MYO5A: variants seen among roughly 807,000 people sequenced by gnomAD.
MYO5A encodes the protein unconventional myosin-Va.
A neutral mutation model predicts 249.7 loss-of-function variants in MYO5A; 98 were observed. The ratio of observed to expected loss-of-function variants is 0.39; its 90% confidence interval spans 0.33 to 0.46. The LOEUF is 0.46. MYO5A is among the 20% of genes least tolerant of loss of function. The pLI, the probability that MYO5A is intolerant of heterozygous loss-of-function variation, is 0.98. For missense variants in MYO5A, 1,696 were observed against 2,308.8 expected (o/e 0.73, Z 5.44); for synonymous variants, 778 against 810.6 (o/e 0.96, Z 0.68).
chr15:52,343,555 T>C (rs995076327), intron 30 of MYO5A, among the ~76,000 whole-genome samples: 5 of 152,192 alleles, frequency 3.3e-5, no homozygotes, highest in Non-Finnish European at 7.3e-5. Context: ...TTATGACACA[T>C]ATAGAACAAA....
intron 20 of MYO5A, 135 bp from the exon 21 acceptor site, chr15:52,372,498 G>T: frequency 8.4e-7 from 1 of 1,195,086 alleles, no homozygotes; most frequent in East Asian, 2.5e-5. Context: ...GTACTATGTA[G>T]ATTATACTTA....
Position 52,370,287 on chromosome 15 carries a change from C to T in MYO5A, c.2948G>A (p.Gly983Glu), listed in dbSNP as rs2141084661. Residue 983 changes from glycine (G) to glutamate (E), a missense_variant, in exon 22 of 42, where the codon GGG (glycine) becomes GAG (glutamate). This residue lies in a region of MYO5A where 412 missense variants were observed against 453.3 expected (regional missense o/e 0.91). Transcript: ENST00000399233. ...LSEEEAKVAT[G>E]RVLSLQEEIA... is the part of the protein sequence containing the mutation. ...TTCTTCCTGCAGACTAAGGACCCGCCCAGTGGCAACTTTCGCTTCCTCTTC... is the reference window on the plus strand; with the variant it reads ...TTCTTCCTGCAGACTAAGGACCCGCTCAGTGGCAACTTTCGCTTCCTCTTC... 1.2e-6 allele frequency: 2 copies of T among 1,614,134 alleles called. No individual in the cohort carries two copies. Among genetic ancestry groups the T allele is most frequent in the Non-Finnish European group, 8.5e-7 (1 of 1,180,012 alleles).
intron 1 of MYO5A, among the ~76,000 whole-genome samples, chr15:52,434,186 G>A (rs940967532): frequency 6.6e-6 from 1 of 151,796 alleles, no homozygotes; most frequent in Non-Finnish European, 1.5e-5. Context: ...TTTTAGTAGA[G>A]ACGGGGTTTC....
intron 34 of MYO5A, among the ~76,000 whole-genome samples, chr15:52,333,085 G>A (rs537767418): frequency 6.6e-6 from 1 of 152,290 alleles, no homozygotes; most frequent in South Asian, 2.1e-4. Context: ...TGCCATCTCG[G>A]AAGCAGAAAC....
At chr15:52,440,388 C>A (rs561392712) in intron 1 of MYO5A, among the ~76,000 whole-genome samples, 1 of 152,292 alleles carries the variant, frequency 6.6e-6, no homozygotes, top group Admixed American at 6.5e-5. Context: ...CTGCCTCAGC[C>A]TCCCAAGTAG....
At chr15:52,415,778 A>G (rs914807350) in intron 5 of MYO5A, among the ~76,000 whole-genome samples, 4 of 152,232 alleles carry the variant, frequency 2.6e-5, no homozygotes, top group Non-Finnish European at 5.9e-5. Context: ...ATAAGAACTC[A>G]GGACTTGGGG....
intron 5 of MYO5A, 137 bp from the exon 6 acceptor site, chr15:52,410,613 A>C (rs1363756307): frequency 1.1e-5 from 9 of 789,576 alleles, no homozygotes; most frequent in Admixed American, 2.5e-5. Flanking sequence ...TTTGAGACAG[A>C]GTCTTGCTCT....
At chr15:52,450,284 T>C (rs774519419) in intron 1 of MYO5A, among the ~76,000 whole-genome samples, 1 of 152,032 alleles carries the variant, frequency 6.6e-6, no homozygotes, top group Admixed American at 6.6e-5. Context: ...AAATCAGTTA[T>C]ATATGTGAAG....
At chr15:52,335,973 T>G (rs140053022) in intron 34 of MYO5A, among the ~76,000 whole-genome samples, 1 of 152,224 alleles carries the variant, frequency 6.6e-6, no homozygotes, top group African/African-American at 2.4e-5. Context: ...TTCCTGCCAT[T>G]AAAAGTAATT....
intron 1 of MYO5A, among the ~76,000 whole-genome samples, chr15:52,479,370 A>G (rs1354534465): frequency 1.3e-5 from 2 of 152,170 alleles, no homozygotes; most frequent in East Asian, 1.9e-4. Context: ...TATTCATGAC[A>G]TAACTTTTTC....
At position 52,309,136 on chromosome 15, in the gene MYO5A, C is replaced by T. The variant is rs192165752; in HGVS notation, c.*4560G>A. The T allele has an allele frequency of 6.6e-6, 1 of 152,438 alleles. No homozygotes were observed. Among genetic ancestry groups the T allele is most frequent in the East Asian group, 1.9e-4 (1 of 5,196 alleles). The allele number at this position is 152,438 out of a possible 1,614,324, so 9.4% of individuals were successfully genotyped here. ...GCTCACCTGGTGGCTCCAATAAAGA[C>T]TCTGATGGGTGTGGGGAGAGTAACT... On this transcript the variant is annotated 3_prime_UTR_variant, in exon 42 of 42. Coordinates refer to ENST00000399233, the MANE Select transcript of MYO5A (RefSeq NM_001382347.1).
At chr15:52,519,983 C>A (rs2141655490) in intron 1 of MYO5A, among the ~76,000 whole-genome samples, 1 of 152,230 alleles carries the variant, frequency 6.6e-6, no homozygotes, top group African/African-American at 2.4e-5. Flanking sequence ...CCCGCCTTGG[C>A]CTCCCAAAGT....
At chr15:52,453,946 G>A (rs2076069454) in intron 1 of MYO5A, among the ~76,000 whole-genome samples, 1 of 152,024 alleles carries the variant, frequency 6.6e-6, no homozygotes, top group African/African-American at 2.4e-5. Flanking sequence ...TAGTATGAGA[G>A]GGAGAAGAGA....
At chr15:52,519,497 G>A (rs965797685) in intron 1 of MYO5A, among the ~76,000 whole-genome samples, 6 of 152,014 alleles carry the variant, frequency 3.9e-5, no homozygotes, top group African/African-American at 9.6e-5. Context: ...TTACAGTCCC[G>A]GTTACTCAGG....
rs7163233 is a variant in MYO5A at position 52,512,945 on chromosome 15, T to C, written c.27+15835A>G. ...GACGGAGACCATGCTGGTAAACAGG[T>C]TGCAGTGAGCTGAGATCGCACCAGT... On this transcript the variant is annotated intron_variant, in intron 1 of 41. Transcript: ENST00000399233. Among the ~76,000 whole-genome samples, 78 of 150,698 alleles carry C rather than the reference T, an allele frequency of 5.2e-4. 1 individual carries two copies. The highest frequency in any genetic ancestry group is 1.9e-3 in the African/African-American group (77 of 40,954).
At chr15:52,421,397 A>C (rs1370819726) in intron 4 of MYO5A, among the ~76,000 whole-genome samples, 1 of 152,230 alleles carries the variant, frequency 6.6e-6, no homozygotes, top group Non-Finnish European at 1.5e-5. Flanking sequence ...AATGATGATG[A>C]CTATGATGAT....
intron 14 of MYO5A, among the ~76,000 whole-genome samples, chr15:52,384,596 C>T (rs544236833): frequency 6.6e-6 from 1 of 152,284 alleles, no homozygotes; most frequent in African/African-American, 2.4e-5. Context: ...AAACCTAATC[C>T]ACAGGAAGTG....
At chr15:52,371,127 A>C (rs8027637) in intron 21 of MYO5A, among the ~76,000 whole-genome samples, 13,436 of 151,390 alleles carry the variant, frequency 0.089, 1,830 homozygotes, top group African/African-American at 0.3. Flanking sequence ...CAAAAAACAA[A>C]AAAAAAAAAC....
At position 52,410,430 on chromosome 15, in the gene MYO5A, A is replaced by G; in HGVS notation, c.659T>C (p.Phe220Ser). The change falls in exon 6 of 42, where the codon TTT (phenylalanine) becomes TCT (serine). Residue 220 changes from phenylalanine (F) to serine (S), a missense_variant. Physicochemically the swap from Phe to Ser is radical, Grantham distance 155. Around this residue, in one of 5 missense-constraint regions of MYO5A, gnomAD observed 197 missense variants for 320.3 expected, o/e 0.62. Transcript: ENST00000399233. ...AAAACCAATCTCAATATACTTCCCA[A>G]AACGGCTGCTATTATCATTCCTGGT... is the stretch of plus-strand genomic sequence containing the variant. ...KTTRNDNSSR[F>S]GKYIEIGFDK... is the part of the protein sequence containing the mutation. The G allele has an allele frequency of 6.2e-7, 1 of 1,613,634 alleles. No individual in the cohort carries two copies. Among genetic ancestry groups the G allele is most frequent in the Non-Finnish European group, 8.5e-7 (1 of 1,179,614 alleles).
Sources: allele counts gnomAD v4.1 joint callset (sites outside exome capture counted in the v4.1 genomes callset), GRCh38; gene constraint gnomAD v4.1.1; regional missense constraint gnomAD v4.1.1; transcripts MANE v1.5; gene names NCBI Gene and HGNC (gene_info 2026-07-23, HGNC 2026-07-21).